ERC2: variants seen among roughly 807,000 people sequenced by gnomAD.
ERC2 encodes the protein ELKS/RAB6-interacting/CAST family member 2, also known as ERC protein 2.
Under a neutral mutation model 114.8 loss-of-function variants are expected in ERC2, and 42 were observed. The observed-to-expected ratio is 0.37, with a 90% confidence interval of 0.29 to 0.47. The LOEUF (loss-of-function observed/expected upper bound fraction) is 0.47, where lower values mean the gene tolerates loss of function less well. Among genes scored for constraint, ERC2 ranks in the 20% least tolerant of loss-of-function variants. The pLI, the probability that ERC2 is intolerant of heterozygous loss-of-function variation, is 0.99. For synonymous variants in ERC2, 454 were observed against 425.5 expected, an observed-to-expected ratio of 1.07 and a Z score of -0.82; for missense variants, 939 against 1,150.7, an observed-to-expected ratio of 0.82 and a Z score of 2.66.
chr3:56,026,007 T>A (rs1434470927), intron 7 of ERC2, among the ~76,000 whole-genome samples: 1 of 151,588 alleles, frequency 6.6e-6, no homozygotes, highest in Non-Finnish European at 1.5e-5. Context: ...ATTTTCAGCT[T>A]ATAAAAAAGT....
chr3:55,864,174 T>TATATATACACATATATATATACAC (rs1559783317), intron 14 of ERC2, among the ~76,000 whole-genome samples: 1,781 of 123,886 alleles, frequency 0.014, 42 homozygotes, highest in African/African-American at 0.051. Flanking sequence ...TATACACATA[T>TATATATACACATATATATATACAC]ATATATACAC....
At chr3:55,722,109 T>C (rs895803694) in intron 15 of ERC2, among the ~76,000 whole-genome samples, 4 of 152,194 alleles carry the variant, frequency 2.6e-5, no homozygotes, top group Admixed American at 2.0e-4. Context: ...TTTTGCCCAA[T>C]TCCATTCCCA....
At chr3:56,033,927 G>C (rs765790622) in intron 7 of ERC2, among the ~76,000 whole-genome samples, 3 of 151,948 alleles carry the variant, frequency 2.0e-5, no homozygotes, top group Non-Finnish European at 4.4e-5. Flanking sequence ...TCCACCTACA[G>C]ACTAGCAGCA....
At chr3:56,269,173 A>G (rs1156850027) in intron 3 of ERC2, among the ~76,000 whole-genome samples, 1 of 152,262 alleles carries the variant, frequency 6.6e-6, no homozygotes, top group Non-Finnish European at 1.5e-5. Context: ...GCTGTAAAGG[A>G]TATTGAGAAG....
At chr3:56,446,625 C>CT (rs1318263302) in intron 1 of ERC2, among the ~76,000 whole-genome samples, 47,238 of 111,980 alleles carry the variant, frequency 0.42, 12,065 homozygotes, top group East Asian at 0.56. Flanking sequence ...TTTTTTTTTT[C>CT]TTTCTTTTTT....
At position 55,911,310 on chromosome 3, in the gene ERC2, T is replaced by G. The variant is rs1318052464; in HGVS notation, c.2404-22761A>C. ...TAACATTTGCCACTATTGAGAGATTTCTTGTGCTTTCAAAGTCCACAAGCA... is the reference window on the plus strand; with the variant it reads ...TAACATTTGCCACTATTGAGAGATTGCTTGTGCTTTCAAAGTCCACAAGCA... On this transcript the variant is annotated intron_variant, in intron 13 of 17. Transcript: ENST00000288221. 4.6e-5 allele frequency among the ~76,000 whole-genome samples: 7 copies of G among 152,214 alleles called. No individual in the cohort carries two copies. In the East Asian group the frequency reaches 1.3e-3, roughly 29 times the overall value.
At chr3:55,599,473 C>T (rs1333234596) in intron 17 of ERC2, among the ~76,000 whole-genome samples, 2 of 152,180 alleles carry the variant, frequency 1.3e-5, no homozygotes, top group African/African-American at 4.8e-5. Context: ...GAAATTATCA[C>T]ACATGTATTT....
At chr3:56,151,812 T>C (rs933717898) in intron 4 of ERC2, among the ~76,000 whole-genome samples, 1 of 152,066 alleles carries the variant, frequency 6.6e-6, no homozygotes, top group Non-Finnish European at 1.5e-5. Flanking sequence ...GCTCAGAAAC[T>C]CGACGCGCTA....
chr3:56,371,561 C>G (rs1021581246), intron 2 of ERC2, among the ~76,000 whole-genome samples: 2 of 152,184 alleles, frequency 1.3e-5, no homozygotes, highest in Non-Finnish European at 2.9e-5. Context: ...TACACCCAAC[C>G]ACATGCATGC....
At chr3:55,764,164 G>A (rs555075601) in intron 14 of ERC2, among the ~76,000 whole-genome samples, 2 of 152,286 alleles carry the variant, frequency 1.3e-5, no homozygotes, top group South Asian at 4.1e-4. Flanking sequence ...GAGTTCTGCA[G>A]TGCTCTCCAA....
intron 17 of ERC2, among the ~76,000 whole-genome samples, chr3:55,578,651 C>T (rs1054173449): frequency 6.6e-6 from 1 of 152,228 alleles, no homozygotes; most frequent in African/African-American, 2.4e-5. Context: ...CACCTCAAAT[C>T]TTAGTGGCTT....
chr3:56,001,081 A>G (rs2149547124), intron 10 of ERC2, among the ~76,000 whole-genome samples: 1 of 152,012 alleles, frequency 6.6e-6, no homozygotes, highest in South Asian at 2.1e-4. Context: ...AGTGTTAGAT[A>G]AGAAAAAGAA....
chr3:55,751,278 A>C (rs2066688886), intron 14 of ERC2, among the ~76,000 whole-genome samples: 1 of 152,088 alleles, frequency 6.6e-6, no homozygotes, highest in African/African-American at 2.4e-5. Context: ...TATCTTTAGG[A>C]TATAAGTGGA....
At chr3:56,100,745 T>C (rs1254917725) in intron 6 of ERC2, among the ~76,000 whole-genome samples, 1 of 152,228 alleles carries the variant, frequency 6.6e-6, no homozygotes, top group Non-Finnish European at 1.5e-5. Flanking sequence ...TCCCATGCCA[T>C]TCCTTTCTGT....
intron 17 of ERC2, among the ~76,000 whole-genome samples, chr3:55,583,383 TTTCTTTCC>T (rs1463903788): frequency 5.2e-4 from 66 of 126,498 alleles, no homozygotes; most frequent in African/African-American, 1.8e-3. Context: ...TCTTTCCTTC[TTTCTTTCC>T]TTCCTTCTTT....
intron 4 of ERC2, among the ~76,000 whole-genome samples, chr3:56,167,668 A>G (rs945993096): frequency 1.3e-5 from 2 of 152,010 alleles, no homozygotes; most frequent in Admixed American, 6.6e-5. Flanking sequence ...ATTTCCCAAG[A>G]AAAAAAAGTA....
chr3:56,405,638 CATAGACAGATAGATAG>C lies in ERC2; in HGVS notation c.657+28697_657+28712del, dbSNP rs1046313186. Among the ~76,000 whole-genome samples, 6 of 135,264 alleles carry C rather than the reference CATAGACAGATAGATAG, an allele frequency of 4.4e-5. No individual in the cohort carries two copies. The East Asian group carries it at 8.1e-4, about 18-fold the overall frequency. The allele number at this position is 135,264 out of a possible 152,430, so 88.7% of individuals were successfully genotyped here. A position where few individuals can be genotyped will look rare whatever the true frequency, so the allele number is the denominator to read the frequency against. On this transcript the variant is annotated intron_variant, in intron 2 of 17. Coordinates refer to ENST00000288221, the MANE Select transcript of ERC2 (RefSeq NM_015576.3). ...ATAGATGGATGGAGATAGATAGATA[CATAGACAGATAGATAG>C]ATAGACAGATAGATAGATAGATGAA...
chr3:55,567,955 T>A (rs1268498555), intron 17 of ERC2, among the ~76,000 whole-genome samples: 1 of 152,230 alleles, frequency 6.6e-6, no homozygotes, highest in Non-Finnish European at 1.5e-5. Context: ...CTAATCTGTT[T>A]CCTTTTAGAA....
At chr3:56,296,682 T>C (rs552393244) in intron 2 of ERC2, among the ~76,000 whole-genome samples, 43 of 152,216 alleles carry the variant, frequency 2.8e-4, no homozygotes, top group Middle Eastern at 3.4e-3. Flanking sequence ...ACAGAAACAA[T>C]AGATTAGTGT....
Sources: allele counts gnomAD v4.1 joint callset (sites outside exome capture counted in the v4.1 genomes callset), GRCh38; gene constraint gnomAD v4.1.1; transcripts MANE v1.5; gene names NCBI Gene and HGNC (gene_info 2026-07-23, HGNC 2026-07-21).